SLC10A7: variants seen among roughly 807,000 people sequenced by gnomAD.
The protein encoded by SLC10A7 is sodium/bile acid cotransporter 7.
In SLC10A7, 29 loss-of-function variants were observed where a neutral mutation model predicts 43.2. That is an observed-to-expected ratio of 0.67 (90% CI 0.50 to 0.92). The LOEUF (loss-of-function observed/expected upper bound fraction) is 0.92. Among genes scored for constraint, SLC10A7 ranks in the 40% least tolerant of loss-of-function variants. SLC10A7 has a pLI of 0.00. For missense variants in SLC10A7, 295 were observed against 403.2 expected (o/e 0.73, Z 2.30); for synonymous variants, 152 against 144.8 (o/e 1.05, Z -0.35).
intron 4 of SLC10A7, among the ~76,000 whole-genome samples, chr4:146,491,578 GAA>G (rs1735418868): frequency 6.6e-6 from 1 of 151,444 alleles, no homozygotes; most frequent in African/African-American, 2.4e-5. Context: ...AAAGAAAGAA[GAA>G]AGAGTGAATT....
intron 10 of SLC10A7, among the ~76,000 whole-genome samples, chr4:146,267,589 C>G (rs1410415852): frequency 6.6e-6 from 1 of 152,166 alleles, no homozygotes; most frequent in Non-Finnish European, 1.5e-5. Context: ...TTACTTGCTT[C>G]CCTGTTTTTG....
chr4:146,486,991 A>G (rs1220465725), intron 4 of SLC10A7, among the ~76,000 whole-genome samples: 1 of 152,196 alleles, frequency 6.6e-6, no homozygotes, highest in East Asian at 1.9e-4. Flanking sequence ...TTGTCAGCCA[A>G]ACTGCAATTG....
chr4:146,441,869 T>G, intron 5 of SLC10A7: 2 of 984,142 alleles, frequency 2.0e-6, no homozygotes, highest in Non-Finnish European at 2.4e-6. Context: ...TTTAAAAGCT[T>G]TAACTACATT....
chr4:146,432,957 G>T (rs1035965443), intron 5 of SLC10A7, among the ~76,000 whole-genome samples: 2 of 151,248 alleles, frequency 1.3e-5, no homozygotes, highest in African/African-American at 4.9e-5. Context: ...AGAATAGCGT[G>T]AACTCGGGAG....
intron 4 of SLC10A7, among the ~76,000 whole-genome samples, chr4:146,482,993 G>T (rs1734610379): frequency 6.6e-6 from 1 of 151,980 alleles, no homozygotes; most frequent in Non-Finnish European, 1.5e-5. Context: ...TATCCCCAAA[G>T]CTGTCTTTTC....
intron 5 of SLC10A7, among the ~76,000 whole-genome samples, chr4:146,391,473 G>C (rs571162960): frequency 6.6e-6 from 1 of 152,262 alleles, no homozygotes; most frequent in East Asian, 1.9e-4. Flanking sequence ...CAGAATTCTT[G>C]AACTGTCTGA....
At chr4:146,426,521 A>G (rs959499826) in intron 5 of SLC10A7, among the ~76,000 whole-genome samples, 11 of 152,180 alleles carry the variant, frequency 7.2e-5, no homozygotes, top group African/African-American at 2.7e-4. Flanking sequence ...TCTACAAAAA[A>G]TAAATTAAAT....
chr4:146,346,453 T>G (rs1225430010), intron 5 of SLC10A7, among the ~76,000 whole-genome samples: 1 of 152,142 alleles, frequency 6.6e-6, no homozygotes, highest in African/African-American at 2.4e-5. Context: ...TAGTACATGT[T>G]AGGATTCAGA....
At chr4:146,359,868 G>A (rs1735920244) in intron 5 of SLC10A7, among the ~76,000 whole-genome samples, 2 of 151,806 alleles carry the variant, frequency 1.3e-5, no homozygotes, top group Admixed American at 6.6e-5. Context: ...CCTTAGACAT[G>A]GTATTTGCTA....
At chr4:146,497,182 G>T (rs1049964453) in intron 4 of SLC10A7, among the ~76,000 whole-genome samples, 4 of 152,158 alleles carry the variant, frequency 2.6e-5, no homozygotes, top group Non-Finnish European at 5.9e-5. Context: ...GCCAGTGCAA[G>T]TGATCCATGA....
intron 10 of SLC10A7, among the ~76,000 whole-genome samples, chr4:146,262,592 C>T (rs1319346889): frequency 6.6e-6 from 1 of 152,204 alleles, no homozygotes; most frequent in East Asian, 1.9e-4. Flanking sequence ...CTTACTAATC[C>T]ACTTGCTCAC....
At chr4:146,369,564 G>T (rs1470637359) in intron 5 of SLC10A7, among the ~76,000 whole-genome samples, 1 of 152,092 alleles carries the variant, frequency 6.6e-6, no homozygotes, top group Non-Finnish European at 1.5e-5. Context: ...CATAAATGAT[G>T]ATTCAGTGAA....
At chr4:146,490,937 C>T (rs1305419026) in intron 4 of SLC10A7, among the ~76,000 whole-genome samples, 1 of 152,180 alleles carries the variant, frequency 6.6e-6, no homozygotes, top group African/African-American at 2.4e-5. Flanking sequence ...TACTCCTACA[C>T]TGCATTAAAA....
At chr4:146,458,011 C>A (rs1732227652) in intron 4 of SLC10A7, among the ~76,000 whole-genome samples, 1 of 151,718 alleles carries the variant, frequency 6.6e-6, no homozygotes, top group Admixed American at 6.6e-5. Flanking sequence ...ATACCAAAAT[C>A]AGATTAAAAC....
chr4:146,294,233 C>G (rs1372872533), intron 7 of SLC10A7, 138 bp from the exon 8 acceptor site: 1 of 585,360 alleles, frequency 1.7e-6, no homozygotes, highest in Non-Finnish European at 2.8e-6. Flanking sequence ...GATTTCAAAG[C>G]TTCCCTGCCA....
chr4:146,328,064 C>A (rs964666968), intron 5 of SLC10A7, among the ~76,000 whole-genome samples: 1 of 152,196 alleles, frequency 6.6e-6, no homozygotes, highest in African/African-American at 2.4e-5. Context: ...CGCCTGTGCA[C>A]ACCATTGGGA....
At chr4:146,318,937 AC>A (rs751385127) in intron 6 of SLC10A7, among the ~76,000 whole-genome samples, 14 of 152,054 alleles carry the variant, frequency 9.2e-5, no homozygotes. Flanking sequence ...GATTTACTCA[AC>A]CACTCTGGTC....
At chr4:146,430,513 A>G (rs1729699880) in intron 5 of SLC10A7, among the ~76,000 whole-genome samples, 1 of 152,174 alleles carries the variant, frequency 6.6e-6, no homozygotes, top group African/African-American at 2.4e-5. Context: ...GCAGAAAATA[A>G]CTGCTTACAA....
At chr4:146,357,004 C>A (rs975930809) in intron 5 of SLC10A7, among the ~76,000 whole-genome samples, 1 of 152,178 alleles carries the variant, frequency 6.6e-6, no homozygotes. Flanking sequence ...TAGCCCTATT[C>A]CTCTCTGCTC....
Sources: allele counts gnomAD v4.1 joint callset (sites outside exome capture counted in the v4.1 genomes callset), GRCh38; gene constraint gnomAD v4.1.1; transcripts MANE v1.5; gene names NCBI Gene and HGNC (gene_info 2026-07-23, HGNC 2026-07-21).